The following OR14I1 variants were observed in gnomAD, a reference collection of about 807,000 sequenced individuals.
OR14I1 encodes olfactory receptor 14I1.
For missense variants in OR14I1, 279 were observed against 181.8 expected, an observed-to-expected ratio of 1.53 and a Z score of -3.07; for synonymous variants, 118 against 71.1, an observed-to-expected ratio of 1.66 and a Z score of -3.32.
chr1:248,693,818 C>T, the OR14I1 span, among the ~76,000 whole-genome samples: 7 of 151,086 alleles, frequency 4.6e-5, no homozygotes, highest in Admixed American at 1.3e-4. Context: ...TCGTTCCTCT[C>T]ACTATGAATA....
chr1:248,682,200 T>C, exon 1 of OR14I1: 3 of 781,038 alleles, frequency 3.8e-6, no homozygotes, highest in Non-Finnish European at 2.4e-6. Flanking sequence ...CCACCAGCAC[T>C]GCCAGATAAA....
At chr1:248,702,242 T>C in the OR14I1 span, among the ~76,000 whole-genome samples, 1 of 152,148 alleles carries the variant, frequency 6.6e-6, no homozygotes, top group African/African-American at 2.4e-5. Context: ...CAAAGTCTTA[T>C]CTGAGGCAAG....
the OR14I1 span, among the ~76,000 whole-genome samples, chr1:248,694,745 C>T: frequency 6.6e-6 from 1 of 152,118 alleles, no homozygotes; most frequent in Non-Finnish European, 1.5e-5. Context: ...TAGGAAAATA[C>T]CTAGGAATTG....
downstream of OR14I1, among the ~76,000 whole-genome samples, chr1:248,679,096 C>T (rs1005192867): frequency 1.3e-5 from 2 of 152,150 alleles, no homozygotes; most frequent in Non-Finnish European, 2.9e-5. Context: ...CCAAATGGTA[C>T]AACCCTAGAA....
the OR14I1 span, among the ~76,000 whole-genome samples, chr1:248,689,393 G>A: frequency 6.6e-6 from 1 of 152,132 alleles, no homozygotes. Flanking sequence ...ACCTACCAGA[G>A]GCCTCCTACT....
chr1:248,692,153 CGCGTCCCTCG>C, the OR14I1 span: 1 of 152,506 alleles, frequency 6.6e-6, no homozygotes, highest in East Asian at 1.9e-4. Context: ...GCCTCAGCCA[CGCGTCCCTCG>C]GTGGCGGGCA....
the OR14I1 span, among the ~76,000 whole-genome samples, chr1:248,687,625 C>A: frequency 2.6e-5 from 4 of 152,190 alleles, no homozygotes; most frequent in African/African-American, 9.6e-5. Context: ...TTAAACTTAG[C>A]AGACTTTATT....
At chr1:248,682,154 G>C in exon 1 of OR14I1, 1 of 781,062 alleles carries the variant, frequency 1.3e-6, no homozygotes, top group Non-Finnish European at 2.4e-6. Context: ...TGAAGATGCT[G>C]ATCGAGAGTG....
At chr1:248,684,383 G>A (rs1452733047), upstream of OR14I1, among the ~76,000 whole-genome samples, 2 of 152,212 alleles carry the variant, frequency 1.3e-5, no homozygotes, top group Non-Finnish European at 2.9e-5. Flanking sequence ...AGTTTGCTGT[G>A]TAAGCAGCCT....
At chr1:248,687,864 T>A in the OR14I1 span, among the ~76,000 whole-genome samples, 187 of 152,366 alleles carry the variant, frequency 1.2e-3, 2 homozygotes, top group Admixed American at 3.3e-3. Flanking sequence ...TACATCCAGA[T>A]ATAGATAGAC....
At chr1:248,689,974 A>T in the OR14I1 span, among the ~76,000 whole-genome samples, 446 of 152,356 alleles carry the variant, frequency 2.9e-3, 1 homozygote, top group African/African-American at 0.01. Flanking sequence ...CTCCTGAATG[A>T]CTACTAGGTA....
exon 1 of OR14I1, chr1:248,682,257 A>G: frequency 1.3e-6 from 1 of 767,844 alleles, no homozygotes; most frequent in Non-Finnish European, 2.4e-6. Context: ...CCCAGATACC[A>G]GAAAACTCCA....
chr1:248,679,007 C>T (rs1661518159), downstream of OR14I1, among the ~76,000 whole-genome samples: 1 of 152,158 alleles, frequency 6.6e-6, no homozygotes. Flanking sequence ...AAATAGGAGG[C>T]TTGTCTAAAA....
At chr1:248,679,666 G>A (rs1340920875), downstream of OR14I1, among the ~76,000 whole-genome samples, 1 of 152,090 alleles carries the variant, frequency 6.6e-6, no homozygotes, top group East Asian at 1.9e-4. Context: ...TGGGACAGGT[G>A]TCATTTGAGC....
At chr1:248,684,692 T>C (rs1661614303), upstream of OR14I1, among the ~76,000 whole-genome samples, 1 of 152,044 alleles carries the variant, frequency 6.6e-6, no homozygotes, top group African/African-American at 2.4e-5. Flanking sequence ...ACAAAATATG[T>C]TCCCAGTCAT....
the OR14I1 span, among the ~76,000 whole-genome samples, chr1:248,693,837 C>G: frequency 2.0e-5 from 3 of 147,978 alleles, no homozygotes; most frequent in African/African-American, 7.5e-5. Context: ...TAGCTAAGAA[C>G]AGTGCTATTA....
chr1:248,692,662 TAC>T, the OR14I1 span: 1 of 152,416 alleles, frequency 6.6e-6, no homozygotes, highest in African/African-American at 2.4e-5. Context: ...TCATAATGCT[TAC>T]AGTCTACAGA....
chr1:248,692,942 G>A, the OR14I1 span, among the ~76,000 whole-genome samples: 1 of 152,106 alleles, frequency 6.6e-6, no homozygotes, highest in Non-Finnish European at 1.5e-5. Context: ...GGAGAATTGT[G>A]GGGAGAGAAA....
downstream of OR14I1, among the ~76,000 whole-genome samples, chr1:248,680,916 G>A (rs2103131729): frequency 6.6e-6 from 1 of 151,194 alleles, no homozygotes; most frequent in South Asian, 2.1e-4. Flanking sequence ...CCTTCTGCTT[G>A]TTTTATGTTC....
Sources: gnomAD v4.1 joint callset for allele counts (sites outside exome capture counted in the v4.1 genomes callset) on GRCh38, gnomAD v4.1.1 for gene constraint, MANE v1.5 for transcripts, NCBI Gene and HGNC (gene_info 2026-07-23, HGNC 2026-07-21) for gene names.